The following CMTM4 variants were observed in gnomAD, a reference collection of about 807,000 sequenced individuals.
The protein encoded by CMTM4 is CKLF like MARVEL transmembrane domain containing 4.
Under a neutral mutation model 19.0 loss-of-function variants are expected in CMTM4, and 8 were observed. The observed-to-expected ratio is 0.42, with a 90% CI of 0.25 to 0.76. The LOEUF is 0.76. CMTM4 is among the 30% of genes least tolerant of loss of function. CMTM4 has a pLI of 0.27. For missense variants in CMTM4, 228 were observed against 290.2 expected (o/e 0.79, Z 1.56); for synonymous variants, 106 against 121.1 (o/e 0.88, Z 0.82).
Position 66,696,495 on chromosome 16 carries a change from C to A in CMTM4, c.31G>T (p.Glu11Ter), listed in dbSNP as rs1403971101. The A allele has an allele frequency of 8.0e-7, 1 of 1,246,852 alleles. No homozygotes were observed. The highest frequency in any genetic ancestry group is 1.0e-6 in the Non-Finnish European group (1 of 993,304). The allele number at this position is 1,246,852 out of a possible 1,614,324, so 77.2% of individuals were successfully genotyped here. A position where few individuals can be genotyped will look rare whatever the true frequency, so the allele number is the denominator to read the frequency against. Residue 11 changes from glutamate to a stop codon, truncating the protein, a stop_gained, in exon 1 of 4, where the codon GAG (glutamate) becomes TAG (stop). Transcript: ENST00000394106. LOFTEE classifies it high-confidence loss of function. The surrounding 1 kb of genome is among the most constrained non-coding windows in gnomAD (Gnocchi z 4.3). MRSGEELDGFEGEASSTSMIS... is the reference protein window; with the variant it reads MRSGEELDGF ...ATGGAGGTGCTCGAGGCCTCGCCCT[C>A]GAAGCCGTCCAGCTCCTCGCCGCTC...
rs577515224 is a variant in CMTM4, at chr16:66,657,601, T to C, written c.187-21020A>G. Among the ~76,000 whole-genome samples, 12 of 152,286 alleles carry C rather than the reference T, an allele frequency of 7.9e-5. No homozygotes were observed. In the South Asian group the frequency reaches 2.3e-3, roughly 29 times the overall value. ...TAAAGCTAATATGGTGAAATTAACA[T>C]TTGGAGAATCTAGGTCAAAGCATAT... On this transcript the variant is annotated intron_variant, in intron 1 of 3. Transcript: ENST00000394106.
intron 1 of CMTM4, among the ~76,000 whole-genome samples, chr16:66,637,647 T>C (rs1460968375): frequency 6.6e-6 from 1 of 152,230 alleles, no homozygotes; most frequent in African/African-American, 2.4e-5. Context: ...TGATAGAAAT[T>C]ACCAAGTGAA....
chr16:66,632,831 C>G (rs2144803724), intron 2 of CMTM4, among the ~76,000 whole-genome samples: 1 of 151,960 alleles, frequency 6.6e-6, no homozygotes, highest in East Asian at 1.9e-4. Flanking sequence ...GCCTGTAATC[C>G]CAGCACTTTG....
In CMTM4 at chr16:66,620,546, A is replaced by G. The variant is rs574333770; in HGVS notation, c.*1512T>C. The G allele has an allele frequency of 4.5e-5, 44 of 985,448 alleles. No homozygotes were observed. The highest frequency in any genetic ancestry group is 1.0e-3 in the Middle Eastern group (2 of 1,914). 61.0% of individuals were successfully genotyped at this position (985,448 alleles called of 1,614,324 possible). On this transcript the variant is annotated 3_prime_UTR_variant, in exon 4 of 4. Coordinates refer to ENST00000394106, the MANE Select transcript of CMTM4 (RefSeq NM_181521.3). ...CCTTTTCTGGGGAATGAGACGCCAC[A>G]TGTCCATAAGGTGACGCTTTCTTGC...
chr16:66,631,336 G>A (rs1228288302), intron 2 of CMTM4, among the ~76,000 whole-genome samples: 11 of 147,814 alleles, frequency 7.4e-5, no homozygotes, highest in South Asian at 2.2e-4. Flanking sequence ...CCGGCCAGCC[G>A]CCCCGTCCGG....
At chr16:66,665,544 A>G (rs1390281861) in intron 1 of CMTM4, among the ~76,000 whole-genome samples, 1 of 152,072 alleles carries the variant, frequency 6.6e-6, no homozygotes, top group Non-Finnish European at 1.5e-5. Flanking sequence ...CAGGAGTTCA[A>G]GACCAGCCTA....
chr16:66,645,338 G>C (rs1251219886), intron 1 of CMTM4, among the ~76,000 whole-genome samples: 2 of 151,792 alleles, frequency 1.3e-5, no homozygotes, highest in Admixed American at 1.3e-4. Context: ...CCAGCACTTT[G>C]GGAGGCCAAG....
chr16:66,609,778 G>C, downstream of CMTM4: 2 of 1,608,980 alleles, frequency 1.2e-6, no homozygotes, highest in Non-Finnish European at 1.7e-6. This position sits in a 1 kb window ranked among gnomAD's most constrained non-coding sequence, Gnocchi z 4.4. Context: ...CCTGACACTC[G>C]GGCTGTTTGT....
chr16:66,626,874 T>C (rs1260579461), intron 2 of CMTM4, among the ~76,000 whole-genome samples: 3 of 149,868 alleles, frequency 2.0e-5, no homozygotes, highest in Non-Finnish European at 4.4e-5. Flanking sequence ...CTGAGGTGGG[T>C]GGATTGTTTG....
At chr16:66,651,259 C>G (rs2016305639) in intron 1 of CMTM4, among the ~76,000 whole-genome samples, 1 of 152,104 alleles carries the variant, frequency 6.6e-6, no homozygotes, top group Non-Finnish European at 1.5e-5. Context: ...CCATCTTTCA[C>G]GGTGTTGAGA....
intron 1 of CMTM4, among the ~76,000 whole-genome samples, chr16:66,683,934 T>A (rs997649329): frequency 6.6e-6 from 1 of 152,030 alleles, no homozygotes; most frequent in Non-Finnish European, 1.5e-5. Flanking sequence ...TAAGCGGGCA[T>A]TTTCAGGAAG....
chr16:66,640,785 T>C (rs2144819419), intron 1 of CMTM4, among the ~76,000 whole-genome samples: 1 of 152,188 alleles, frequency 6.6e-6, no homozygotes, highest in East Asian at 1.9e-4. Flanking sequence ...CTTAGACCAC[T>C]CATGATGGGG....
chr16:66,677,552 C>A (rs1466921977), intron 1 of CMTM4, among the ~76,000 whole-genome samples: 1 of 152,220 alleles, frequency 6.6e-6, no homozygotes, highest in Admixed American at 6.5e-5. Flanking sequence ...AATAACAACA[C>A]TCATCAAATG....
chr16:66,613,767 T>C (rs1236589869), downstream of CMTM4: 1 of 152,326 alleles, frequency 6.6e-6, no homozygotes, highest in Non-Finnish European at 1.5e-5. Flanking sequence ...GAGTGTGTGC[T>C]TGAAAAAACC....
In CMTM4 at chr16:66,621,033, T is replaced by C. The variant is rs1388771297; in HGVS notation, c.*1025A>G. On this transcript the variant is annotated 3_prime_UTR_variant, in exon 4 of 4. Transcript: ENST00000394106. ...GCCTTCTGAAACATGGGTGGAAGGG[T>C]GTGTTCTGGTGCAAATTCAAGTATT... The C allele has an allele frequency of 2.0e-6, 2 of 985,704 alleles. No individual in the cohort carries two copies. Among genetic ancestry groups the C allele is most frequent in the Admixed American group, 1.2e-4 (2 of 16,266 alleles). 61.1% of individuals were successfully genotyped at this position (985,704 alleles called of 1,614,324 possible). A position where few individuals can be genotyped will look rare whatever the true frequency, so the allele number is the denominator to read the frequency against.
At chr16:66,607,764 GGGTAAGGTGA>G in the CMTM4 span, among the ~76,000 whole-genome samples, 1 of 152,140 alleles carries the variant, frequency 6.6e-6, no homozygotes, top group Non-Finnish European at 1.5e-5. Flanking sequence ...AGCTGGGGTG[GGGTAAGGTGA>G]GGACTCAGGG....
chr16:66,665,853 G>C (rs938790536), intron 1 of CMTM4, among the ~76,000 whole-genome samples: 1 of 151,890 alleles, frequency 6.6e-6, no homozygotes, highest in Non-Finnish European at 1.5e-5. Context: ...TGGATCACTT[G>C]AGGTTAGGAG....
At chr16:66,604,823 CGACCCCGACCCG>C in the CMTM4 span, 33 of 1,304,204 alleles carry the variant, frequency 2.5e-5, no homozygotes, top group African/African-American at 4.2e-4. Context: ...CCCCAGACCC[CGACCCCGACCCG>C]GACCCCGAGC....
chr16:66,671,662 G>A (rs2016709987), intron 1 of CMTM4, among the ~76,000 whole-genome samples: 1 of 152,058 alleles, frequency 6.6e-6, no homozygotes, highest in Non-Finnish European at 1.5e-5. Context: ...CCTGACCCAG[G>A]GGCACCAACC....
Sources: gnomAD v4.1 joint callset for allele counts (sites outside exome capture counted in the v4.1 genomes callset) on GRCh38, gnomAD v4.1.1 for gene constraint, Gnocchi (gnomAD v3.1) non-coding constraint, MANE v1.5 for transcripts, NCBI Gene and HGNC (gene_info 2026-07-23, HGNC 2026-07-21) for gene names.